PTPRD: variants seen among roughly 807,000 people sequenced by gnomAD.
The protein encoded by PTPRD is receptor-type tyrosine-protein phosphatase delta.
PTPRD carries 34 observed loss-of-function variants against 214.5 expected under a neutral mutation model. The observed-to-expected ratio is 0.16, with a 90% CI of 0.12 to 0.21. PTPRD has a LOEUF of 0.21. Among genes scored for constraint, PTPRD ranks in the 10% least tolerant of loss-of-function variants. The pLI is 1.00. For missense variants in PTPRD, 2,545 were observed against 2,398.7 expected, an observed-to-expected ratio of 1.06 and a Z score of -1.27; for synonymous variants, 1,128 against 845.7, an observed-to-expected ratio of 1.33 and a Z score of -5.79.
chr9:9,051,929 C>T (rs888208099), intron 10 of PTPRD, among the ~76,000 whole-genome samples: 1 of 152,158 alleles, frequency 6.6e-6, no homozygotes, highest in Non-Finnish European at 1.5e-5. Context: ...ATAAATGCAG[C>T]AAATTTGAAA....
chr9:9,464,612 G>A (rs1482395718), intron 8 of PTPRD, among the ~76,000 whole-genome samples: 1 of 151,986 alleles, frequency 6.6e-6, no homozygotes, highest in Non-Finnish European at 1.5e-5. Flanking sequence ...TTCCTGCTTG[G>A]TTTAGTTCTT....
intron 6 of PTPRD, among the ~76,000 whole-genome samples, chr9:9,739,655 T>C (rs367673102): frequency 6.6e-5 from 10 of 152,196 alleles, no homozygotes; most frequent in African/African-American, 1.9e-4. Flanking sequence ...TGTGGTTTTG[T>C]TGATCCCCTC....
rs751692283 is a variant in PTPRD at position 8,485,962 on chromosome 9, G to A, written c.2855C>T (p.Thr952Ile). The A allele has an allele frequency of 6.2e-7, 1 of 1,614,158 alleles. No homozygotes were observed. Among genetic ancestry groups the A allele is most frequent in the Non-Finnish European group, 8.5e-7 (1 of 1,180,018 alleles). ...PVLAERNGII[T>I]KYTLLYRDIN... ...ATCCCTATAAAGAAGGGTATACTTG[G>A]TGATAATGCCATTTCTCTCTGCCAG... Residue 952 changes from threonine (T) to isoleucine (I), a missense_variant, in exon 28 of 46, where the codon ACC becomes ATC. Coordinates refer to ENST00000381196, the MANE Select transcript of PTPRD (RefSeq NM_002839.4).
chr9:8,978,397 G>C (rs1373270958), intron 11 of PTPRD, among the ~76,000 whole-genome samples: 2 of 152,100 alleles, frequency 1.3e-5, no homozygotes, highest in African/African-American at 4.8e-5. Flanking sequence ...GCTTAGCCTG[G>C]TAGTTTTCAC....
At chr9:8,478,033 G>C (rs2096800662) in intron 30 of PTPRD, among the ~76,000 whole-genome samples, 1 of 152,156 alleles carries the variant, frequency 6.6e-6, no homozygotes, top group East Asian at 1.9e-4. Flanking sequence ...AACATCCTTT[G>C]CAAAGCACCT....
chr9:8,837,917 C>T (rs962989813), intron 11 of PTPRD, among the ~76,000 whole-genome samples: 1 of 152,138 alleles, frequency 6.6e-6, no homozygotes, highest in African/African-American at 2.4e-5. Flanking sequence ...AAGTTGACTA[C>T]AATTAAATTA....
intron 9 of PTPRD, among the ~76,000 whole-genome samples, chr9:9,362,030 G>A (rs1395697866): frequency 6.6e-6 from 1 of 150,878 alleles, no homozygotes; most frequent in Non-Finnish European, 1.5e-5. Context: ...AGAGTTTAGT[G>A]GAAAACATGG....
At chr9:8,893,205 A>G (rs567666899) in intron 11 of PTPRD, among the ~76,000 whole-genome samples, 21 of 152,322 alleles carry the variant, frequency 1.4e-4, no homozygotes, top group Admixed American at 3.3e-4. Context: ...ATGGGACAAG[A>G]GAGGTTAAAA....
At position 10,034,016 on chromosome 9, in the gene PTPRD, C is replaced by A. The variant is rs146178892; in HGVS notation, c.-544-226G>T. On this transcript the variant is annotated intron_variant, in intron 3 of 45. Transcript: ENST00000381196. ...ATAATATTTAAAGAATATACAGAAT[C>A]TTTTAGAAGAATCAATATCATTAAA... Among the ~76,000 whole-genome samples the A allele has an allele frequency of 2.9e-3, 446 of 152,106 alleles. 1 individual carries two copies. Among genetic ancestry groups the A allele is most frequent in the African/African-American group, 0.01 (422 of 41,518 alleles).
intron 3 of PTPRD, among the ~76,000 whole-genome samples, chr9:10,047,293 T>C (rs1020288655): frequency 1.1e-5 from 1 of 87,100 alleles, no homozygotes; most frequent in African/African-American, 5.4e-5. Context: ...ATAGGTAAAA[T>C]GAAGATAAAA....
At chr9:8,841,992 T>C (rs376710557) in intron 11 of PTPRD, among the ~76,000 whole-genome samples, 94 of 136,720 alleles carry the variant, frequency 6.9e-4, no homozygotes, top group Admixed American at 1.3e-3. Flanking sequence ...GCCTGGGCAA[T>C]AGAGCGAGAC....
chr9:9,510,668 C>T (rs563956669), intron 8 of PTPRD, among the ~76,000 whole-genome samples: 248 of 149,804 alleles, frequency 1.7e-3, no homozygotes, highest in African/African-American at 5.8e-3. Context: ...TAGAAAAAAA[C>T]ATTTGCCATT....
rs1393441513 is a variant in PTPRD at position 10,570,880 on chromosome 9, T to TC, written c.-600+41517dup. Among the ~76,000 whole-genome samples, 311 of 150,992 alleles carry TC rather than the reference T, an allele frequency of 2.1e-3. 3 individuals carry two copies. The highest frequency in any genetic ancestry group is 7.3e-3 in the African/African-American group (296 of 40,690). On this transcript the variant is annotated intron_variant, in intron 2 of 45. Coordinates refer to ENST00000381196, the MANE Select transcript of PTPRD (RefSeq NM_002839.4). Reference sequence around the variant, plus strand: ...TCCCAGTTGCAAACAAGGTGAGTCTTCTTTTTTTTTTTTTGTACAGGGTTA... The same window carrying TC: ...TCCCAGTTGCAAACAAGGTGAGTCTTCCTTTTTTTTTTTTTGTACAGGGTTA...
chr9:8,329,838 C>T (rs554085368), intron 44 of PTPRD, among the ~76,000 whole-genome samples: 108 of 152,226 alleles, frequency 7.1e-4, no homozygotes, highest in African/African-American at 2.4e-3. Flanking sequence ...CTACTCTAGC[C>T]TCAGCAATGG....
Position 9,446,079 on chromosome 9 carries a change from G to A in PTPRD, c.-236-48597C>T, listed in dbSNP as rs1482911900. On this transcript the variant is annotated intron_variant, in intron 8 of 45. Coordinates refer to ENST00000381196, the MANE Select transcript of PTPRD (RefSeq NM_002839.4). Reference sequence around the variant, plus strand: ...TTTGGATAAAGATTATTTTATGAAAGCCATGTGGTAAGAAATGACATAATA... The same window carrying A: ...TTTGGATAAAGATTATTTTATGAAAACCATGTGGTAAGAAATGACATAATA... Among the ~76,000 whole-genome samples, 4 of 152,166 alleles carry A rather than the reference G, an allele frequency of 2.6e-5. No individual in the cohort carries two copies. The East Asian group carries it at 7.7e-4, about 29-fold the overall frequency.
intron 11 of PTPRD, among the ~76,000 whole-genome samples, chr9:8,821,671 C>A (rs1373064607): frequency 6.6e-6 from 1 of 152,088 alleles, no homozygotes; most frequent in Non-Finnish European, 1.5e-5. Context: ...CCAATAAGTT[C>A]CTTCAACTTC....
chr9:10,179,957 G>T (rs1051785972), intron 3 of PTPRD, among the ~76,000 whole-genome samples: 5 of 151,942 alleles, frequency 3.3e-5, no homozygotes, highest in African/African-American at 1.2e-4. Context: ...CTTAAAAAGG[G>T]AAAATATGTC....
chr9:9,307,952 G>T (rs1043669686), intron 9 of PTPRD, among the ~76,000 whole-genome samples: 1 of 151,986 alleles, frequency 6.6e-6, no homozygotes, highest in Non-Finnish European at 1.5e-5. Context: ...CCCTCCCCAC[G>T]CTGTGTAATA....
At chr9:9,064,668 T>C (rs748716585) in intron 10 of PTPRD, among the ~76,000 whole-genome samples, 11 of 152,222 alleles carry the variant, frequency 7.2e-5, no homozygotes, top group Admixed American at 2.0e-4. Context: ...CCGAACTGAA[T>C]ACTGTTAGGC....
Sources: allele counts gnomAD v4.1 joint callset (sites outside exome capture counted in the v4.1 genomes callset), GRCh38; gene constraint gnomAD v4.1.1; transcripts MANE v1.5; gene names NCBI Gene and HGNC (gene_info 2026-07-23, HGNC 2026-07-21).